WWOX: variants seen among roughly 807,000 people sequenced by gnomAD.
The protein encoded by WWOX is WW domain containing oxidoreductase.
In WWOX, 69 loss-of-function variants were observed where a neutral mutation model predicts 46.2. That is an observed-to-expected ratio of 1.49 (90% CI 1.23 to 1.82). WWOX has a LOEUF of 1.82. Among genes scored for constraint, WWOX ranks in the 40% most tolerant of loss-of-function variants. The pLI is 0.00. For missense variants in WWOX, 919 were observed against 542.6 expected, an observed-to-expected ratio of 1.69 and a Z score of -6.89; for synonymous variants, 359 against 202.6, an observed-to-expected ratio of 1.77 and a Z score of -6.56.
intron 8 of WWOX, among the ~76,000 whole-genome samples, chr16:78,667,670 C>CAAAAAAAAA (rs35375082): frequency 1.6e-5 from 1 of 61,304 alleles, no homozygotes; most frequent in Non-Finnish European, 3.3e-5. Context: ...GACTCCGTCT[C>CAAAAAAAAA]AAAAAAAAAA....
intron 5 of WWOX, among the ~76,000 whole-genome samples, chr16:78,382,726 G>A (rs1461378409): frequency 6.6e-6 from 1 of 152,042 alleles, no homozygotes; most frequent in Non-Finnish European, 1.5e-5. Flanking sequence ...TGGTGGTGAT[G>A]GAACAGTTCT....
chr16:78,812,684 C>T (rs2051221685), intron 8 of WWOX, among the ~76,000 whole-genome samples: 1 of 152,098 alleles, frequency 6.6e-6, no homozygotes. Flanking sequence ...CAAGATAGTG[C>T]CACTGCACTG....
intron 8 of WWOX, among the ~76,000 whole-genome samples, chr16:78,823,178 C>G (rs997322966): frequency 6.6e-6 from 1 of 152,188 alleles, no homozygotes; most frequent in Non-Finnish European, 1.5e-5. Context: ...TGAGGTCATT[C>G]AAATCTAATG....
intron 8 of WWOX, among the ~76,000 whole-genome samples, chr16:78,915,329 A>G (rs144843627): frequency 3.1e-4 from 47 of 152,294 alleles, no homozygotes; most frequent in African/African-American, 1.1e-3. Context: ...TAAGAAGTAA[A>G]TGCTGTGTGT....
intron 5 of WWOX, among the ~76,000 whole-genome samples, chr16:78,201,674 ATTATTTATTTATTTATTTAT>A (rs149809338): frequency 1.2e-4 from 18 of 146,476 alleles, no homozygotes; most frequent in East Asian, 4.1e-4. Flanking sequence ...CATTCCTTGG[ATTATTTATTTATTTATTTAT>A]TTATTTATTT....
intron 8 of WWOX, among the ~76,000 whole-genome samples, chr16:78,637,357 G>A (rs981165338): frequency 1.3e-5 from 2 of 151,670 alleles, no homozygotes; most frequent in African/African-American, 4.8e-5. Flanking sequence ...AGCAGAGTCT[G>A]TTGAACCCAG....
intron 8 of WWOX, among the ~76,000 whole-genome samples, chr16:78,633,601 G>A (rs2046493146): frequency 1.3e-5 from 2 of 152,172 alleles, no homozygotes; most frequent in Non-Finnish European, 2.9e-5. Context: ...CTTCAGAGAT[G>A]CCACTACAAA....
chr16:79,198,475 A>T (rs555534251), intron 8 of WWOX, among the ~76,000 whole-genome samples: 1 of 152,220 alleles, frequency 6.6e-6, no homozygotes, highest in Non-Finnish European at 1.5e-5. Context: ...CCCATGGGCA[A>T]TTAAAGCCCT....
intron 8 of WWOX, among the ~76,000 whole-genome samples, chr16:79,208,556 T>C (rs781339660): frequency 2.0e-5 from 3 of 152,228 alleles, no homozygotes; most frequent in South Asian, 2.1e-4. Flanking sequence ...CTTTCATCTT[T>C]TCTGCATTAT....
chr16:78,870,616 T>C (rs374008733), intron 8 of WWOX, among the ~76,000 whole-genome samples: 1 of 152,212 alleles, frequency 6.6e-6, no homozygotes. Flanking sequence ...TTTTTTCTTT[T>C]TTGGAGACGG....
chr16:79,102,027 G>T (rs1035756588), intron 8 of WWOX, among the ~76,000 whole-genome samples: 16 of 135,386 alleles, frequency 1.2e-4, no homozygotes, highest in African/African-American at 4.4e-4. Flanking sequence ...CAAAGGTGGA[G>T]GGTGGTGGGG....
intron 8 of WWOX, among the ~76,000 whole-genome samples, chr16:78,834,494 A>G (rs1040203350): frequency 8.5e-5 from 13 of 152,200 alleles, no homozygotes; most frequent in Admixed American, 7.2e-4. Flanking sequence ...GAAACATAGT[A>G]AGTGAGAAAA....
chr16:78,646,300 C>A (rs1386117160), intron 8 of WWOX, among the ~76,000 whole-genome samples: 1 of 152,184 alleles, frequency 6.6e-6, no homozygotes, highest in African/African-American at 2.4e-5. Context: ...AGGTGTGAGC[C>A]AGTACACTTG....
At chr16:78,835,738 G>C (rs2051962156) in intron 8 of WWOX, among the ~76,000 whole-genome samples, 1 of 152,108 alleles carries the variant, frequency 6.6e-6, no homozygotes, top group Admixed American at 6.6e-5. Context: ...CTAGGCTCCA[G>C]GGAGAAACGA....
chr16:78,316,853 G>T (rs1190561466), intron 5 of WWOX, among the ~76,000 whole-genome samples: 3 of 152,318 alleles, frequency 2.0e-5, no homozygotes, highest in African/African-American at 7.2e-5. Flanking sequence ...ATACCATTCA[G>T]TACCAACCCT....
intron 8 of WWOX, among the ~76,000 whole-genome samples, chr16:78,990,532 G>A (rs1186396145): frequency 6.6e-6 from 1 of 152,200 alleles, no homozygotes; most frequent in African/African-American, 2.4e-5. Context: ...ACATCACACT[G>A]ACAACAGCTC....
At chr16:78,655,035 G>C (rs1301920706) in intron 8 of WWOX, among the ~76,000 whole-genome samples, 1 of 152,106 alleles carries the variant, frequency 6.6e-6, no homozygotes, top group East Asian at 1.9e-4. Context: ...TGCTTTGGCA[G>C]AACTCTGTGC....
intron 8 of WWOX, among the ~76,000 whole-genome samples, chr16:79,051,387 G>A (rs2048164474): frequency 1.3e-5 from 2 of 152,202 alleles, no homozygotes; most frequent in African/African-American, 4.8e-5. Flanking sequence ...GCAAGCCGCT[G>A]TCCTCCAAGT....
chr16:79,091,033 C>T (rs1026327611), intron 8 of WWOX, among the ~76,000 whole-genome samples: 20 of 152,182 alleles, frequency 1.3e-4, no homozygotes, highest in Admixed American at 1.2e-3. Context: ...GGTGATCCAC[C>T]CACATCGGCC....
Sources: allele counts gnomAD v4.1 joint callset (sites outside exome capture counted in the v4.1 genomes callset), GRCh38; gene constraint gnomAD v4.1.1; transcripts MANE v1.5; gene names NCBI Gene and HGNC (gene_info 2026-07-23, HGNC 2026-07-21).